The following RBBP8 variants were observed in gnomAD, a reference collection of about 807,000 sequenced individuals.
RBBP8 encodes DNA endonuclease RBBP8.
Under a neutral mutation model 108.3 loss-of-function variants are expected in RBBP8, and 88 were observed. That is an observed-to-expected ratio of 0.81 (90% CI 0.68 to 0.97). The LOEUF is 0.97. Among genes scored for constraint, RBBP8 ranks in the 50% least tolerant of loss-of-function variants. The pLI is 0.00. For missense variants in RBBP8, 1,023 were observed against 1,049.0 expected, an observed-to-expected ratio of 0.98 and a Z score of 0.34; for synonymous variants, 332 against 348.2, an observed-to-expected ratio of 0.95 and a Z score of 0.52.
chr18:22,987,223 AAG>A (rs1432775816), intron 8 of RBBP8, among the ~76,000 whole-genome samples: 1 of 152,042 alleles, frequency 6.6e-6, no homozygotes, highest in Non-Finnish European at 1.5e-5. Flanking sequence ...AGGAGAGAGC[AAG>A]AGAGAGGGAA....
chr18:22,996,764 AAG>A (rs1412884602), intron 13 of RBBP8, among the ~76,000 whole-genome samples: 4 of 152,198 alleles, frequency 2.6e-5, no homozygotes, highest in Non-Finnish European at 5.9e-5. Flanking sequence ...TGGGAGGTCG[AAG>A]AGAGAGAATC....
upstream of RBBP8, among the ~76,000 whole-genome samples, chr18:22,931,609 T>C (rs1038066956): frequency 2.0e-5 from 3 of 152,216 alleles, no homozygotes; most frequent in African/African-American, 7.2e-5. Flanking sequence ...TTTGGGCACA[T>C]AGTATATATC....
At chr18:22,981,480 T>C (rs1406868621) in intron 6 of RBBP8, among the ~76,000 whole-genome samples, 2 of 152,216 alleles carry the variant, frequency 1.3e-5, no homozygotes, top group Non-Finnish European at 2.9e-5. Flanking sequence ...CTTCTGTATC[T>C]TCATTTCCTC....
chr18:23,023,812 AG>A (rs2046410565), intron 18 of RBBP8, among the ~76,000 whole-genome samples: 1 of 151,074 alleles, frequency 6.6e-6, no homozygotes, highest in Non-Finnish European at 1.5e-5. Flanking sequence ...TTGTTGTGAA[AG>A]TATAATTCCA....
At chr18:22,969,380 A>G (rs1265241940) in intron 5 of RBBP8, among the ~76,000 whole-genome samples, 3 of 152,072 alleles carry the variant, frequency 2.0e-5, no homozygotes, top group Non-Finnish European at 4.4e-5. Context: ...GAGTTTTTCT[A>G]CATTCTTAGC....
chr18:23,010,544 C>T (rs2046139037), intron 16 of RBBP8, among the ~76,000 whole-genome samples: 1 of 151,952 alleles, frequency 6.6e-6, no homozygotes, highest in Non-Finnish European at 1.5e-5. Flanking sequence ...CTGCAGTAAG[C>T]TATGATCACA....
chr18:22,938,792 C>T (rs1469731744), intron 2 of RBBP8, among the ~76,000 whole-genome samples: 1 of 152,132 alleles, frequency 6.6e-6, no homozygotes, highest in Non-Finnish European at 1.5e-5. Context: ...ATTTGACAAA[C>T]CCGTAGCACT....
At chr18:22,994,732 A>G (rs1403820759) in intron 12 of RBBP8, among the ~76,000 whole-genome samples, 4 of 150,446 alleles carry the variant, frequency 2.7e-5, no homozygotes, top group Admixed American at 2.7e-4. Context: ...TATTATTATT[A>G]TTATTATTTG....
At chr18:22,971,641 C>CTTTTTT (rs919907678) in intron 5 of RBBP8, among the ~76,000 whole-genome samples, 15 of 109,230 alleles carry the variant, frequency 1.4e-4, no homozygotes, top group East Asian at 2.6e-4. Context: ...TGTTTAATTT[C>CTTTTTT]TTTTTTTTTT....
Position 22,992,913 on chromosome 18 carries a change from C to A in RBBP8, c.1086C>A (p.Leu362=). The change falls in exon 11 of 19, where the codon CTC becomes CTA. Residue 362 remains leucine, a synonymous_variant. Transcript: ENST00000327155. The stretch of plus-strand genomic sequence containing the variant: ...GGAAAAAAAAACATCTGAAAACACT[C>A]CCTTTTAGCAACACTTGTATATCTA... The part of the protein sequence containing the change: ...QPGKKKHLKT[L]PFSNTCISRL... 6.2e-7 allele frequency: 1 copy of A among 1,613,900 alleles called. No individual in the cohort carries two copies. The highest frequency in any genetic ancestry group is 1.1e-5 in the South Asian group (1 of 91,048).
rs1567953981 is a variant in RBBP8 at position 22,949,602 on chromosome 18, ATTT to A, written c.153-12_153-10del. ...GTATTTTTATCTGAAAAACTTATTT[ATTT>A]TTTGACCTTTAGAGATGCACAAAGA... On this transcript the variant is annotated splice_polypyrimidine_tract_variant and intron_variant, in intron 3 of 18. Coordinates refer to ENST00000327155, the MANE Select transcript of RBBP8 (RefSeq NM_002894.3). 1.3e-6 allele frequency: 2 copies of A among 1,568,852 alleles called. No homozygotes were observed. The highest frequency in any genetic ancestry group is 1.1e-5 in the South Asian group (1 of 90,102).
intron 2 of RBBP8, among the ~76,000 whole-genome samples, chr18:22,938,736 A>T (rs1279264016): frequency 6.6e-6 from 1 of 152,218 alleles, no homozygotes; most frequent in South Asian, 2.1e-4. Context: ...ATTTTCTTCT[A>T]TAAAATTCTT....
chr18:22,936,863 GGGAAGCAGCTGTGGAA>G lies in RBBP8; in HGVS notation c.14_29del (p.Gly5AlafsTer18), dbSNP rs1258590043. 6.2e-7 allele frequency: 1 copy of G among 1,614,050 alleles called. No individual in the cohort carries two copies. The highest frequency in any genetic ancestry group is 8.5e-7 in the Non-Finnish European group (1 of 1,179,976). On this transcript the variant is annotated frameshift_variant, in exon 2 of 19. Coordinates refer to ENST00000327155, the MANE Select transcript of RBBP8 (RefSeq NM_002894.3). LOFTEE classifies it high-confidence loss of function. ...GCATATTAAGCAAGATGAACATCTC[GGGAAGCAGCTGTGGAA>G]GCCCTAACTCTGCAGATACATCTAG...
intron 1 of RBBP8, among the ~76,000 whole-genome samples, chr18:22,936,343 C>G (rs573802269): frequency 3.3e-5 from 5 of 152,266 alleles, no homozygotes; most frequent in African/African-American, 1.2e-4. Context: ...CTCAAGTGAT[C>G]TGCCCACCTC....
intron 5 of RBBP8, among the ~76,000 whole-genome samples, chr18:22,970,729 G>T (rs925726900): frequency 3.9e-5 from 6 of 152,030 alleles, no homozygotes; most frequent in African/African-American, 1.4e-4. Context: ...TTTGCTGTTT[G>T]TATCTTTTAA....
intron 4 of RBBP8, among the ~76,000 whole-genome samples, chr18:22,961,112 A>C (rs1172278009): frequency 2.0e-5 from 3 of 152,248 alleles, no homozygotes; most frequent in Non-Finnish European, 4.4e-5. Context: ...CTCCTAGTTT[A>C]ACTTGTAAAA....
rs11418623 is a variant in RBBP8, at chr18:22,957,291, C to CTTTTTTTT, written c.248+7591_248+7598dup. On this transcript the variant is annotated intron_variant, in intron 4 of 18. Transcript: ENST00000327155. ...TTATACTTTGTTGTAATTACTTTTT[C>CTTTTTTTT]TTTTTTTTTTTTTTTTTTTTGCCTG... Among the ~76,000 whole-genome samples, 894 of 92,062 alleles carry CTTTTTTTT rather than the reference C, an allele frequency of 9.7e-3. 4 individuals carry two copies. The highest frequency in any genetic ancestry group is 0.015 in the East Asian group (44 of 2,878). 60.4% of individuals were successfully genotyped at this position (92,062 alleles called of 152,430 possible).
chr18:22,937,187 CCCCACCCTCTT>C (rs1910645569), intron 2 of RBBP8: 2 of 791,134 alleles, frequency 2.5e-6, no homozygotes, highest in Non-Finnish European at 3.7e-6. Context: ...GTTTTTCAAT[CCCCACCCTCTT>C]CCCACCCCCC....
intron 14 of RBBP8, among the ~76,000 whole-genome samples, chr18:22,999,191 T>A (rs1473942906): frequency 2.0e-5 from 3 of 152,250 alleles, no homozygotes; most frequent in African/African-American, 7.2e-5. Flanking sequence ...TGCTACATAA[T>A]GAATGAATCA....
Sources: gnomAD v4.1 joint callset for allele counts (sites outside exome capture counted in the v4.1 genomes callset) on GRCh38, gnomAD v4.1.1 for gene constraint, MANE v1.5 for transcripts, NCBI Gene and HGNC (gene_info 2026-07-23, HGNC 2026-07-21) for gene names.